TRPM3: variants seen among roughly 807,000 people sequenced by gnomAD.
The protein encoded by TRPM3 is long transient receptor potential channel 3.
In TRPM3, 77 loss-of-function variants were observed where a neutral mutation model predicts 181.2. The ratio of observed to expected loss-of-function variants is 0.42; its 90% CI spans 0.35 to 0.51. The LOEUF is 0.51. Among genes scored for constraint, TRPM3 ranks in the 20% least tolerant of loss-of-function variants. The pLI is 0.01. For missense variants in TRPM3, 1,759 were observed against 2,196.7 expected (o/e 0.80, Z 3.98); for synonymous variants, 745 against 796.4 (o/e 0.94, Z 1.09).
intron 1 of TRPM3, among the ~76,000 whole-genome samples, chr9:71,247,471 C>T (rs1255290573): frequency 6.6e-6 from 1 of 151,846 alleles, no homozygotes; most frequent in Non-Finnish European, 1.5e-5. Flanking sequence ...TACAAAGTGC[C>T]TAGCCTAGGT....
chr9:70,777,778 T>C (rs963194246), intron 7 of TRPM3, among the ~76,000 whole-genome samples: 3 of 152,148 alleles, frequency 2.0e-5, no homozygotes, highest in South Asian at 2.1e-4. Flanking sequence ...ATAGCACCCA[T>C]AGTACCTAAA....
chr9:70,816,778 C>T (rs935920693), intron 6 of TRPM3, among the ~76,000 whole-genome samples: 26 of 152,246 alleles, frequency 1.7e-4, no homozygotes, highest in African/African-American at 5.3e-4. Context: ...GCTGCATATG[C>T]GATTATTATT....
intron 22 of TRPM3, among the ~76,000 whole-genome samples, chr9:70,573,233 T>G (rs1273973198): frequency 1.3e-5 from 2 of 152,178 alleles, no homozygotes; most frequent in Non-Finnish European, 2.9e-5. Flanking sequence ...TCAAATACAA[T>G]GAGGAACATT....
In TRPM3 at chr9:70,976,680, T is replaced by G. The variant is rs2133977118; in HGVS notation, c.178-112169A>C. ...CCTACAGGAAATGCCTGGCTCCCCA[T>G]TTCAGTAGCTGTGCAATCTCGGGCA... On this transcript the variant is annotated intron_variant, in intron 1 of 25. Coordinates refer to ENST00000677713, the MANE Select transcript of TRPM3 (RefSeq NM_001366145.2). Among the ~76,000 whole-genome samples the G allele has an allele frequency of 1.3e-5, 2 of 152,344 alleles. 1 individual carries two copies. The highest frequency in any genetic ancestry group is 4.1e-4 in the South Asian group (2 of 4,828).
In TRPM3 at chr9:70,980,097, G is replaced by A. The variant is rs969437172; in HGVS notation, c.178-115586C>T. Among the ~76,000 whole-genome samples the A allele has an allele frequency of 5.1e-3, 46 of 9,108 alleles. 1 individual carries two copies. Among genetic ancestry groups the A allele is most frequent in the African/African-American group, 0.02 (41 of 2,100 alleles). 6.0% of individuals were successfully genotyped at this position (9,108 alleles called of 152,430 possible). On this transcript the variant is annotated intron_variant, in intron 1 of 25. Transcript: ENST00000677713. ...CACACACACACACACACACACACAC[G>A]GAGTACACTAAGCCAAGAGCTAATG... is the stretch of plus-strand genomic sequence containing the variant.
chr9:70,619,067 G>A lies in TRPM3; in HGVS notation c.2158C>T (p.Leu720=). ...RDFGQLAVEL[L]DQSYKQDEQL... Reference sequence around the variant, plus strand: ...TCGTCCTGCTTGTAGGACTGGTCCAGGAGCTCCACAGCCAGCTGGCCAAAG... The same window carrying A: ...TCGTCCTGCTTGTAGGACTGGTCCAAGAGCTCCACAGCCAGCTGGCCAAAG... Residue 720 remains leucine, a synonymous_variant, in exon 17 of 26, where the codon CTG becomes TTG. Coordinates refer to ENST00000677713, the MANE Select transcript of TRPM3 (RefSeq NM_001366145.2). The A allele has an allele frequency of 6.2e-7, 1 of 1,613,924 alleles. No individual in the cohort carries two copies. The highest frequency in any genetic ancestry group is 8.5e-7 in the Non-Finnish European group (1 of 1,179,896).
rs2097864768 is a variant in TRPM3, at chr9:71,023,717, A to AG, written c.177+97460dup. ...GATGCTGAGTAAAAAAAAAAAAAAA[A>AG]GTCAAACTCAAAAGATTACATTCTG... On this transcript the variant is annotated intron_variant, in intron 1 of 25. Transcript: ENST00000677713. Among the ~76,000 whole-genome samples, 4 of 151,922 alleles carry AG rather than the reference A, an allele frequency of 2.6e-5. No individual in the cohort carries two copies. In the South Asian group the frequency reaches 6.2e-4, roughly 24 times the overall value.
At position 70,652,480 on chromosome 9, in the gene TRPM3, A is replaced by C. The variant is rs78353159; in HGVS notation, c.1346-11820T>G. Among the ~76,000 whole-genome samples, 1,380 of 152,256 alleles carry C rather than the reference A, an allele frequency of 9.1e-3. 23 individuals are homozygous for C. Among genetic ancestry groups the C allele is most frequent in the African/African-American group, 0.032 (1,311 of 41,538 alleles). On this transcript the variant is annotated intron_variant, in intron 9 of 25. Transcript: ENST00000677713. The stretch of plus-strand genomic sequence containing the variant: ...GGACATCTAATGAGGAAGACAAAGG[A>C]GTGGTCAGAAAGGCAGAATACTCAG...
rs531182481 is a variant in TRPM3 at position 70,596,105 on chromosome 9, C to T, written c.3048+2314G>A. 3.3e-5 allele frequency among the ~76,000 whole-genome samples: 5 copies of T among 152,290 alleles called. No homozygotes were observed. The South Asian group carries it at 1.0e-3, about 32-fold the overall frequency. On this transcript the variant is annotated intron_variant, in intron 21 of 25. Transcript: ENST00000677713. ...ACAGATATAATTTGTCAACCACCAACTATGAGCCAGACACAGCTGGTCATT... is the reference window on the plus strand; with the variant it reads ...ACAGATATAATTTGTCAACCACCAATTATGAGCCAGACACAGCTGGTCATT...
intron 1 of TRPM3, among the ~76,000 whole-genome samples, chr9:70,885,005 T>A (rs2096063038): frequency 6.6e-6 from 1 of 152,042 alleles, no homozygotes; most frequent in South Asian, 2.1e-4. Flanking sequence ...TTCATCAGAG[T>A]TTCTCAGAGT....
At chr9:71,151,093 A>AGTGT (rs746619147) in intron 1 of TRPM3, among the ~76,000 whole-genome samples, 2 of 152,180 alleles carry the variant, frequency 1.3e-5, no homozygotes, top group African/African-American at 4.8e-5. Flanking sequence ...AATGAATAGG[A>AGTGT]GTGTGTGTGT....
chr9:70,867,375 T>C (rs2095671256), intron 1 of TRPM3, among the ~76,000 whole-genome samples: 1 of 152,080 alleles, frequency 6.6e-6, no homozygotes, highest in Non-Finnish European at 1.5e-5. Flanking sequence ...GCACTGGAAG[T>C]TTTAGTCAGA....
Position 71,187,992 on chromosome 9 carries a change from A to G in TRPM3, c.183+258661T>C, listed in dbSNP as rs532079665. Among the ~76,000 whole-genome samples the G allele has an allele frequency of 2.0e-5, 3 of 151,992 alleles. No individual in the cohort carries two copies. The South Asian group carries it at 6.2e-4, about 32-fold the overall frequency. On this transcript the variant is annotated intron_variant, in intron 1 of 24. Coordinates refer to the TRPM3 transcript ENST00000357533. ...AAAAAGTTAACCAGTATTCAATTCTATAACTATATCATAATTTATCATTCC... is the reference window on the plus strand; with the variant it reads ...AAAAAGTTAACCAGTATTCAATTCTGTAACTATATCATAATTTATCATTCC...
intron 1 of TRPM3, among the ~76,000 whole-genome samples, chr9:70,978,409 T>C (rs1013110892): frequency 1.3e-5 from 2 of 152,206 alleles, no homozygotes; most frequent in Admixed American, 6.5e-5. Flanking sequence ...TAATACAGTA[T>C]ATTTTACTCT....
chr9:70,892,623 A>C (rs1367421060), intron 1 of TRPM3, among the ~76,000 whole-genome samples: 1 of 151,740 alleles, frequency 6.6e-6, no homozygotes, highest in Non-Finnish European at 1.5e-5. Context: ...AAAAAAAAAA[A>C]AAAACTAGCC....
At chr9:71,263,887 C>T (rs865779661) in intron 1 of TRPM3, among the ~76,000 whole-genome samples, 18 of 152,178 alleles carry the variant, frequency 1.2e-4, no homozygotes, top group South Asian at 6.2e-4. Flanking sequence ...TCAAGCAAGC[C>T]TCCTGCCTCA....
At chr9:70,885,325 C>T (rs1025041111) in intron 1 of TRPM3, among the ~76,000 whole-genome samples, 8 of 152,096 alleles carry the variant, frequency 5.3e-5, no homozygotes, top group Non-Finnish European at 8.8e-5. Context: ...TACCAGTAGC[C>T]CACCTCCAGT....
At chr9:71,259,535 A>G (rs755626066) in intron 1 of TRPM3, among the ~76,000 whole-genome samples, 1 of 152,126 alleles carries the variant, frequency 6.6e-6, no homozygotes, top group Non-Finnish European at 1.5e-5. Flanking sequence ...CTGTTTCTCC[A>G]TATCCTCTCC....
chr9:70,985,805 A>G (rs1203476835), intron 1 of TRPM3, among the ~76,000 whole-genome samples: 2 of 152,226 alleles, frequency 1.3e-5, no homozygotes, highest in South Asian at 2.1e-4. Context: ...AATCTTTTAT[A>G]AAAAGACTAA....
Sources: gnomAD v4.1 joint callset for allele counts (sites outside exome capture counted in the v4.1 genomes callset) on GRCh38, gnomAD v4.1.1 for gene constraint, MANE v1.5 for transcripts, NCBI Gene and HGNC (gene_info 2026-07-23, HGNC 2026-07-21) for gene names.